The following ZNF43 variants were observed in gnomAD, a reference collection of about 807,000 sequenced individuals.
The protein encoded by ZNF43 is zinc finger protein 39-like 1 (KOX 27).
In ZNF43, 44 loss-of-function variants were observed where a neutral mutation model predicts 68.4. That is an observed-to-expected ratio of 0.64 (90% CI 0.51 to 0.83). The LOEUF is 0.83. Ranked by LOEUF, ZNF43 falls within the 40% of genes least tolerant of loss-of-function variation. The pLI is 0.00. For synonymous variants in ZNF43, 308 were observed against 307.8 expected, an observed-to-expected ratio of 1.00 and a Z score of -0.01; for missense variants, 896 against 933.2, an observed-to-expected ratio of 0.96 and a Z score of 0.52.
intron 1 of ZNF43, chr19:21,827,365 G>A (rs941527104): frequency 6.9e-6 from 1 of 144,390 alleles, no homozygotes; most frequent in Non-Finnish European, 1.5e-5. Context: ...CTACTATGTG[G>A]TTTTTTTTTT....
intron 1 of ZNF43, among the ~76,000 whole-genome samples, chr19:21,828,913 C>G (rs10414358): frequency 0.43 from 64,649 of 150,022 alleles, 14,968 homozygotes; most frequent in African/African-American, 0.62. Flanking sequence ...GGCGCCTATA[C>G]TCCCAGCTAC....
chr19:21,809,146 T>C lies in ZNF43; in HGVS notation c.891A>G (p.Gln297=), dbSNP rs1484721392. ...KCKECAKAFN[Q]SSNLTEHKKI... is the part of the protein sequence containing the mutation. ...TCTTATGTTCAGTAAGGTTTGAGGA[T>C]TGGTTAAAAGCTTTGGCACATTCTT... The change falls in exon 4 of 4, where the codon CAA becomes CAG. Residue 297 remains glutamine (Q), a synonymous_variant. Transcript: ENST00000354959. 6.2e-7 allele frequency: 1 copy of C among 1,613,342 alleles called. No individual in the cohort carries two copies. Among genetic ancestry groups the C allele is most frequent in the African/African-American group, 1.3e-5 (1 of 74,886 alleles).
chr19:21,831,138 T>C (rs547667553), intron 1 of ZNF43, among the ~76,000 whole-genome samples: 1 of 152,244 alleles, frequency 6.6e-6, no homozygotes, highest in South Asian at 2.1e-4. Context: ...TCAAAGCCAA[T>C]ACACTGAATG....
Position 21,808,676 on chromosome 19 carries a change from T to C in ZNF43, c.1361A>G (p.Tyr454Cys). Residue 454 changes from tyrosine (Y) to cysteine (C), a missense_variant, in exon 4 of 4, where the codon TAC (tyrosine) becomes TGC (cysteine). Transcript: ENST00000354959. The part of the protein sequence containing the change: ...HNRIHTGEKP[Y>C]KCEVCGKAFN... ...GGCTTTGCCACATACTTCACATTTG[T>C]AGGGTTTCTCTCCAGTATGAATTCT... 2 of 1,613,612 alleles carry C rather than the reference T, an allele frequency of 1.2e-6. No homozygotes were observed. Among genetic ancestry groups the C allele is most frequent in the Non-Finnish European group, 8.5e-7 (1 of 1,179,844 alleles).
At chr19:21,832,800 G>A (rs2038485138) in intron 1 of ZNF43, among the ~76,000 whole-genome samples, 1 of 152,210 alleles carries the variant, frequency 6.6e-6, no homozygotes, top group Admixed American at 6.5e-5. Context: ...GGGAGATGGA[G>A]GGTGCAGTGA....
chr19:21,834,335 C>CAAAAAAAAAAAAAAAAAAGAAAAA (rs2038579316), intron 1 of ZNF43, among the ~76,000 whole-genome samples: 1 of 86,448 alleles, frequency 1.2e-5, no homozygotes, highest in Non-Finnish European at 2.4e-5. Flanking sequence ...AACACTGTCT[C>CAAAAAAAAAAAAAAAAAAGAAAAA]AAAAAAAAAA....
chr19:21,818,291 C>A (rs953589038), intron 2 of ZNF43, among the ~76,000 whole-genome samples: 1 of 151,868 alleles, frequency 6.6e-6, no homozygotes, highest in East Asian at 1.9e-4. Context: ...TTAGTAGAGA[C>A]AGGGTTTTGC....
chr19:21,841,032 A>G (rs1163345152), upstream of ZNF43: 1 of 152,154 alleles, frequency 6.6e-6, no homozygotes, highest in Non-Finnish European at 1.5e-5. Flanking sequence ...GACAATGCTA[A>G]CATTTGGTAG....
At chr19:21,834,714 T>C (rs2038606303) in intron 1 of ZNF43, among the ~76,000 whole-genome samples, 2 of 147,938 alleles carry the variant, frequency 1.4e-5, no homozygotes, top group South Asian at 4.3e-4. Flanking sequence ...GATTGCACCA[T>C]TGCACTCCAG....
Position 21,852,061 on chromosome 19 carries a change from G to C in ZNF43, c.-127C>G, listed in dbSNP as rs965171440. On this transcript the variant is annotated 5_prime_UTR_variant, in exon 1 of 4. Transcript: ENST00000357491. ...GGGTCCCAAGGTCTAGCGGGAGCTGGAGACAAAGGCCCCGCCAAAAGCCGG... is the reference window on the plus strand; with the variant it reads ...GGGTCCCAAGGTCTAGCGGGAGCTGCAGACAAAGGCCCCGCCAAAAGCCGG... 7.7e-6 allele frequency: 8 copies of C among 1,045,024 alleles called. No individual in the cohort carries two copies. The African/African-American group carries it at 1.2e-4, about 15-fold the overall frequency. 64.7% of individuals were successfully genotyped at this position (1,045,024 alleles called of 1,614,324 possible).
At chr19:21,828,799 C>T (rs900282652) in intron 1 of ZNF43, among the ~76,000 whole-genome samples, 1 of 150,534 alleles carries the variant, frequency 6.6e-6, no homozygotes, top group East Asian at 2.0e-4. Flanking sequence ...TTTGGGAGGC[C>T]GCAGCGAGCA....
At chr19:21,826,912 C>G (rs1296545102) in intron 1 of ZNF43, 2 of 152,236 alleles carry the variant, frequency 1.3e-5, no homozygotes, top group African/African-American at 4.9e-5. Context: ...CGTGCATTCA[C>G]AGGCACCATG....
intron 1 of ZNF43, 31 bp downstream of exon 1, chr19:21,836,005 C>A (rs1317193547): frequency 1.2e-6 from 2 of 1,613,860 alleles, no homozygotes; most frequent in South Asian, 2.2e-5. Context: ...AGCCCCTTCC[C>A]CCTCTCGGGA....
upstream of ZNF43, among the ~76,000 whole-genome samples, chr19:21,839,355 A>AAAAAAAAAAC (rs1555726813): frequency 1.4e-5 from 2 of 146,160 alleles, no homozygotes; most frequent in African/African-American, 5.0e-5. Context: ...AAAAAAAAAA[A>AAAAAAAAAAC]AGAGATCACA....
At chr19:21,826,989 G>A in intron 1 of ZNF43, 1 of 151,990 alleles carries the variant, frequency 6.6e-6, no homozygotes, top group Non-Finnish European at 1.5e-5. Context: ...CTCCATTTGA[G>A]TAACACTGTA....
At chr19:21,844,341 CTG>C (rs890732159) in intron 1 of ZNF43, among the ~76,000 whole-genome samples, 1 of 107,094 alleles carries the variant, frequency 9.3e-6, no homozygotes, top group Non-Finnish European at 1.7e-5. Flanking sequence ...AAGGGAGACT[CTG>C]TCTCAAAAAA....
intron 3 of ZNF43, among the ~76,000 whole-genome samples, chr19:21,810,432 G>A (rs1408202012): frequency 1.3e-5 from 2 of 152,100 alleles, no homozygotes; most frequent in Non-Finnish European, 2.9e-5. Context: ...CATTCATGAG[G>A]AATTCACCTC....
At chr19:21,843,468 C>G (rs10401527) in intron 1 of ZNF43, 162,799 of 805,318 alleles carry the variant, frequency 0.2, 17,815 homozygotes, top group Non-Finnish European at 0.22. Context: ...CAACCTCAAT[C>G]TCTTCTGCGG....
intron 1 of ZNF43, among the ~76,000 whole-genome samples, chr19:21,831,708 A>G (rs1207463186): frequency 6.6e-6 from 1 of 152,158 alleles, no homozygotes; most frequent in Non-Finnish European, 1.5e-5. Context: ...GTTTTAGAAT[A>G]CAAAATAAAT....
Sources: gnomAD v4.1 joint callset for allele counts (sites outside exome capture counted in the v4.1 genomes callset) on GRCh38, gnomAD v4.1.1 for gene constraint, MANE v1.5 for transcripts, NCBI Gene and HGNC (gene_info 2026-07-23, HGNC 2026-07-21) for gene names.